Variants in TMC7 observed in about 807,000 individuals in gnomAD.
The protein encoded by TMC7 is transmembrane channel like 7, also known as transmembrane channel-like protein 7.
TMC7 carries 54 observed loss-of-function variants against 82.9 expected under a neutral mutation model. That is an observed-to-expected ratio of 0.65 (90% CI 0.52 to 0.82). The LOEUF (loss-of-function observed/expected upper bound fraction) is 0.82. Ranked by LOEUF, TMC7 falls within the 40% of genes least tolerant of loss-of-function variation. The pLI, the probability that TMC7 is intolerant of heterozygous loss-of-function variation, is 0.00. For synonymous variants in TMC7, 350 were observed against 337.9 expected (o/e 1.04, Z -0.39); for missense variants, 820 against 901.2 (o/e 0.91, Z 1.15).
At chr16:19,047,607 G>C (rs1280537105) in intron 12 of TMC7, among the ~76,000 whole-genome samples, 1 of 150,592 alleles carries the variant, frequency 6.6e-6, no homozygotes, top group African/African-American at 2.4e-5. Context: ...ATCTTGGCCA[G>C]GTTGGTCTTG....
chr16:18,995,787 C>G (rs1219135838), intron 1 of TMC7, among the ~76,000 whole-genome samples: 1 of 152,088 alleles, frequency 6.6e-6, no homozygotes, highest in Non-Finnish European at 1.5e-5. Context: ...TAATAAGGTC[C>G]TGTTATGGGG....
intron 13 of TMC7, among the ~76,000 whole-genome samples, chr16:19,054,827 C>T (rs1187693410): frequency 2.8e-5 from 4 of 145,372 alleles, no homozygotes; most frequent in Middle Eastern, 3.8e-3. Flanking sequence ...TCATTGCAAC[C>T]TCCGTCTCCC....
chr16:19,027,530 G>T (rs1960293527), intron 5 of TMC7, among the ~76,000 whole-genome samples: 1 of 152,212 alleles, frequency 6.6e-6, no homozygotes, highest in African/African-American at 2.4e-5. Context: ...ATTGAACCAA[G>T]CTCATTATCA....
intron 2 of TMC7, among the ~76,000 whole-genome samples, chr16:19,013,309 C>A (rs1440075659): frequency 6.6e-6 from 1 of 151,632 alleles, no homozygotes; most frequent in Admixed American, 6.6e-5. Flanking sequence ...ACCTCTGCCT[C>A]CCGGGTTCAA....
chr16:19,043,231 A>ATC (rs1412500469), intron 9 of TMC7, among the ~76,000 whole-genome samples: 21 of 152,160 alleles, frequency 1.4e-4, no homozygotes, highest in African/African-American at 5.1e-4. Context: ...TTTATGTGAT[A>ATC]TCTCTGCAGC....
chr16:19,021,930 T>A, intron 4 of TMC7, 134 bp downstream of exon 4: 1 of 1,093,088 alleles, frequency 9.1e-7, no homozygotes. Context: ...TAGGTTATGC[T>A]GCAGAAACAA....
chr16:19,031,543 C>A (rs77224147), intron 6 of TMC7, among the ~76,000 whole-genome samples: 2,667 of 152,266 alleles, frequency 0.018, 79 homozygotes, highest in African/African-American at 0.061. Flanking sequence ...TGGTGGCACA[C>A]ACCTGTAGTC....
Position 19,016,621 on chromosome 16 carries a change from C to T in TMC7, c.460+23C>T, listed in dbSNP as rs191167246. On this transcript the variant is annotated intron_variant, in intron 3 of 15. Transcript: ENST00000304381. ...AAGGTATGCTGTCCTCACCTCTCTG[C>T]AGGCTCCTCCGCAGAAGTCTGTGTC... is the stretch of plus-strand genomic sequence containing the variant. 268 of 1,609,200 alleles carry T rather than the reference C, an allele frequency of 1.7e-4. 2 individuals carry two copies. The East Asian group carries it at 4.6e-3, about 27-fold the overall frequency.
chr16:19,050,894 CT>C lies in TMC7; in HGVS notation c.1741-788del, dbSNP rs566712894. Among the ~76,000 whole-genome samples the C allele has an allele frequency of 3.0e-4, 45 of 152,114 alleles. No homozygotes were observed. The East Asian group carries it at 8.3e-3, about 28-fold the overall frequency. ...AATGAACTCCTGCTCCCCACCTTCA[CT>C]TTTCTTTTTGAGACAGGGTCTCTCT... On this transcript the variant is annotated intron_variant, in intron 12 of 15. Transcript: ENST00000304381.
At chr16:19,014,697 C>T (rs1161107693) in intron 2 of TMC7, among the ~76,000 whole-genome samples, 1 of 152,172 alleles carries the variant, frequency 6.6e-6, no homozygotes, top group African/African-American at 2.4e-5. Context: ...CTGACCACAT[C>T]CCCTTTTGTA....
intron 12 of TMC7, among the ~76,000 whole-genome samples, chr16:19,048,109 AT>A (rs1302071713): frequency 2.0e-5 from 3 of 147,774 alleles, no homozygotes; most frequent in African/African-American, 7.5e-5. Flanking sequence ...GAGCCAATGC[AT>A]TTTTTTTATT....
chr16:19,016,429 A>G, intron 2 of TMC7, 21 bp from the exon 3 acceptor site: 2 of 1,613,636 alleles, frequency 1.2e-6, no homozygotes, highest in Non-Finnish European at 1.7e-6. Flanking sequence ...TGTCATTGTC[A>G]TGATCATGTT....
At chr16:19,008,189 C>T (rs2039274580) in intron 1 of TMC7, among the ~76,000 whole-genome samples, 1 of 152,154 alleles carries the variant, frequency 6.6e-6, no homozygotes, top group Non-Finnish European at 1.5e-5. Context: ...GATCTTCCTG[C>T]AACTAAAATC....
intron 1 of TMC7, among the ~76,000 whole-genome samples, chr16:19,006,334 G>A (rs1012970798): frequency 1.3e-5 from 2 of 152,028 alleles, no homozygotes; most frequent in East Asian, 1.9e-4. Flanking sequence ...ACAGGCACGC[G>A]CTAGCGTGCC....
At chr16:19,054,443 C>T (rs930561430) in intron 13 of TMC7, among the ~76,000 whole-genome samples, 5 of 152,152 alleles carry the variant, frequency 3.3e-5, no homozygotes, top group African/African-American at 9.6e-5. Context: ...AGGCTGGGCG[C>T]GGTGGCTCAC....
intron 3 of TMC7, among the ~76,000 whole-genome samples, chr16:19,019,795 A>G (rs1452423554): frequency 6.6e-6 from 1 of 152,164 alleles, no homozygotes; most frequent in African/African-American, 2.4e-5. Flanking sequence ...TTTTCTCTGC[A>G]GTTACTCTAC....
At position 18,987,446 on chromosome 16, in the gene TMC7, G is replaced by C. The variant is rs562515328; in HGVS notation, c.67+3316G>C. Among the ~76,000 whole-genome samples the C allele has an allele frequency of 1.1e-3, 164 of 152,238 alleles. 1 individual carries two copies. Among genetic ancestry groups the C allele is most frequent in the African/African-American group, 3.8e-3 (157 of 41,544 alleles). ...CTGCCTTAGCCTCCTGAGTAGCTGGGACTACAGGCACGTGCCACCATGCCC... is the reference window on the plus strand; with the variant it reads ...CTGCCTTAGCCTCCTGAGTAGCTGGCACTACAGGCACGTGCCACCATGCCC... On this transcript the variant is annotated intron_variant, in intron 1 of 15. Transcript: ENST00000304381.
At chr16:19,050,074 T>TA (rs1361155679) in intron 12 of TMC7, among the ~76,000 whole-genome samples, 3 of 151,740 alleles carry the variant, frequency 2.0e-5, no homozygotes, top group Non-Finnish European at 4.4e-5. Flanking sequence ...AATACATACT[T>TA]AAAAAAAACT....
intron 1 of TMC7, among the ~76,000 whole-genome samples, chr16:19,002,996 T>G (rs371887643): frequency 1.4e-4 from 21 of 152,348 alleles, no homozygotes; most frequent in African/African-American, 4.6e-4. Flanking sequence ...CACTCAAGTC[T>G]TGGGCAAGTC....
Sources: allele counts gnomAD v4.1 joint callset (sites outside exome capture counted in the v4.1 genomes callset), GRCh38; gene constraint gnomAD v4.1.1; transcripts MANE v1.5; gene names NCBI Gene and HGNC (gene_info 2026-07-23, HGNC 2026-07-21).